SLIT3: variants seen among roughly 807,000 people sequenced by gnomAD.
SLIT3 encodes slit homolog 3 protein.
Under a neutral mutation model 184.0 loss-of-function variants are expected in SLIT3, and 68 were observed. The observed-to-expected ratio is 0.37, with a 90% CI of 0.30 to 0.45. SLIT3 has a LOEUF of 0.45. Among genes scored for constraint, SLIT3 ranks in the 20% least tolerant of loss-of-function variants. The pLI, the probability that SLIT3 is intolerant of heterozygous loss-of-function variation, is 1.00. For synonymous variants in SLIT3, 831 were observed against 828.6 expected, an observed-to-expected ratio of 1.00 and a Z score of -0.05; for missense variants, 1,707 against 2,026.0, an observed-to-expected ratio of 0.84 and a Z score of 3.02.
chr5:169,241,329 G>A (rs566360798), intron 3 of SLIT3, among the ~76,000 whole-genome samples: 3 of 151,992 alleles, frequency 2.0e-5, no homozygotes, highest in African/African-American at 7.2e-5. Flanking sequence ...TTCTTGCATC[G>A]ATTACATGAG....
rs752595708 is a variant in SLIT3, at chr5:168,817,457, G to C, written c.636C>G (p.Leu212=). Residue 212 remains leucine (L), a synonymous_variant, in exon 8 of 36, where the codon CTC becomes CTG. Coordinates refer to ENST00000519560, the MANE Select transcript of SLIT3 (RefSeq NM_003062.4). ...NHMPKIRTLR[L]HSNHLYCDCH... is the part of the protein sequence containing the mutation. ...AGTCGCAGTACAGGTGGTTGGAGTG[G>C]AGGCGCCTGGGAGAGGGCGGGACAG... 3 of 1,613,910 alleles carry C rather than the reference G, an allele frequency of 1.9e-6. No individual in the cohort carries two copies. Among genetic ancestry groups the C allele is most frequent in the Non-Finnish European group, 2.5e-6 (3 of 1,180,010 alleles).
chr5:168,798,081 T>C (rs1756631778), intron 9 of SLIT3, among the ~76,000 whole-genome samples: 1 of 152,104 alleles, frequency 6.6e-6, no homozygotes, highest in Non-Finnish European at 1.5e-5. Flanking sequence ...GACATATAAA[T>C]GGAGTACAAA....
At chr5:168,779,883 T>C (rs1277804749) in intron 12 of SLIT3, among the ~76,000 whole-genome samples, 2 of 152,216 alleles carry the variant, frequency 1.3e-5, no homozygotes, top group Non-Finnish European at 2.9e-5. Context: ...AGGTCCATTA[T>C]GATCCACTAA....
At chr5:168,692,056 C>A (rs922738467) in intron 29 of SLIT3, among the ~76,000 whole-genome samples, 2 of 152,198 alleles carry the variant, frequency 1.3e-5, no homozygotes, top group Admixed American at 6.5e-5. Context: ...CTCCTATGGG[C>A]TCTGCTGCTC....
chr5:168,800,503 C>G (rs1216320332), intron 9 of SLIT3, among the ~76,000 whole-genome samples: 1 of 152,198 alleles, frequency 6.6e-6, no homozygotes, highest in Non-Finnish European at 1.5e-5. Context: ...AGGAGAATCA[C>G]TTGAACCTGG....
At chr5:169,043,518 C>T (rs939447071) in intron 4 of SLIT3, among the ~76,000 whole-genome samples, 4 of 152,288 alleles carry the variant, frequency 2.6e-5, no homozygotes, top group African/African-American at 9.6e-5. Context: ...ATACTTTGTT[C>T]CCTTAAGTTG....
At chr5:169,219,871 C>T (rs544661911) in intron 3 of SLIT3, among the ~76,000 whole-genome samples, 8 of 152,312 alleles carry the variant, frequency 5.3e-5, no homozygotes, top group South Asian at 2.1e-4. Context: ...TCCTTCATTG[C>T]TCTCAAAGCC....
At chr5:169,166,934 G>A (rs1019854414) in intron 4 of SLIT3, among the ~76,000 whole-genome samples, 4 of 152,194 alleles carry the variant, frequency 2.6e-5, no homozygotes, top group Non-Finnish European at 4.4e-5. Context: ...CGGGGAGGCT[G>A]AGGTGAGAGG....
At chr5:168,730,123 G>T (rs1763250563) in intron 20 of SLIT3, among the ~76,000 whole-genome samples, 1 of 145,546 alleles carries the variant, frequency 6.9e-6, no homozygotes, top group South Asian at 2.2e-4. Context: ...AAAAAAAAAA[G>T]ACAAAAAAGG....
At chr5:168,859,021 T>C (rs1025754842) in intron 5 of SLIT3, among the ~76,000 whole-genome samples, 7 of 152,200 alleles carry the variant, frequency 4.6e-5, no homozygotes, top group Non-Finnish European at 1.0e-4. Flanking sequence ...ATGCTATCTC[T>C]AGGACTTCAA....
intron 4 of SLIT3, among the ~76,000 whole-genome samples, chr5:169,061,921 A>G (rs1465419009): frequency 1.3e-5 from 2 of 152,186 alleles, no homozygotes; most frequent in South Asian, 4.1e-4. Flanking sequence ...GACTGAGTCT[A>G]TCCCACTGCC....
At position 169,149,064 on chromosome 5, in the gene SLIT3, G is replaced by A. The variant is rs73315649; in HGVS notation, c.413+44415C>T. ...GCCAAAAGCTACAGAGCTATTAAGT[G>A]GAGGAAACTGAGATTTGAAAGCCAG... On this transcript the variant is annotated intron_variant, in intron 4 of 35. Transcript: ENST00000519560. Among the ~76,000 whole-genome samples, 343 of 152,298 alleles carry A rather than the reference G, an allele frequency of 2.3e-3. 3 individuals are homozygous for A. The highest frequency in any genetic ancestry group is 8.0e-3 in the African/African-American group (333 of 41,566).
At chr5:168,929,014 GATA>G (rs1307599828) in intron 4 of SLIT3, among the ~76,000 whole-genome samples, 2 of 152,164 alleles carry the variant, frequency 1.3e-5, no homozygotes, top group African/African-American at 4.8e-5. Flanking sequence ...TAATAACGAT[GATA>G]ATATAATAGC....
intron 4 of SLIT3, among the ~76,000 whole-genome samples, chr5:169,014,726 G>T (rs1756296477): frequency 6.6e-6 from 1 of 152,184 alleles, no homozygotes; most frequent in African/African-American, 2.4e-5. Context: ...CAAGGCAGGT[G>T]GATCATCTGA....
At chr5:169,164,505 C>G (rs1459398461) in intron 4 of SLIT3, among the ~76,000 whole-genome samples, 2 of 152,168 alleles carry the variant, frequency 1.3e-5, no homozygotes, top group African/African-American at 4.8e-5. Flanking sequence ...CATTACTCAG[C>G]CCCAAAGTAT....
At chr5:169,016,761 A>G (rs143707090) in intron 4 of SLIT3, among the ~76,000 whole-genome samples, 2 of 152,362 alleles carry the variant, frequency 1.3e-5, no homozygotes, top group African/African-American at 4.8e-5. Context: ...GACAAATAAT[A>G]GTATAGACCT....
intron 26 of SLIT3, 28 bp from the exon 27 acceptor site, chr5:168,700,707 TG>T: frequency 1.9e-6 from 3 of 1,559,426 alleles, no homozygotes; most frequent in Non-Finnish European, 2.7e-6. Flanking sequence ...GAGAAGCACC[TG>T]GTTAGGGGGA....
chr5:169,163,584 T>C (rs1239329341), intron 4 of SLIT3, among the ~76,000 whole-genome samples: 1 of 152,106 alleles, frequency 6.6e-6, no homozygotes, highest in African/African-American at 2.4e-5. Context: ...AAAATGCAAC[T>C]TATATGTGTG....
rs113432099 is a variant in SLIT3, at chr5:168,676,163, T to TTCCATCCATCCATCCATCCATCCA, written c.3687-2856_3687-2833dup. On this transcript the variant is annotated intron_variant, in intron 32 of 35. Transcript: ENST00000519560. ...CCCACCTACTTATTTATCTACTCTCTTCCATCCATCCATCCATCCATCCAT... is the reference window on the plus strand; with the variant it reads ...CCCACCTACTTATTTATCTACTCTCTTCCATCCATCCATCCATCCATCCATCCATCCATCCATCCATCCATCCAT... Among the ~76,000 whole-genome samples, 6 of 150,194 alleles carry TTCCATCCATCCATCCATCCATCCA rather than the reference T, an allele frequency of 4.0e-5. 1 individual carries two copies. Among genetic ancestry groups the TTCCATCCATCCATCCATCCATCCA allele is most frequent in the Admixed American group, 2.0e-4 (3 of 15,050 alleles).
Sources: allele counts gnomAD v4.1 joint callset (sites outside exome capture counted in the v4.1 genomes callset), GRCh38; gene constraint gnomAD v4.1.1; transcripts MANE v1.5; gene names NCBI Gene and HGNC (gene_info 2026-07-23, HGNC 2026-07-21).